The following PPEF1 variants were observed in gnomAD, a reference collection of about 807,000 sequenced individuals.
PPEF1 encodes the protein serine/threonine-protein phosphatase with EF-hands 1.
Under a neutral mutation model 53.3 loss-of-function variants are expected in PPEF1, and 12 were observed. That is an observed-to-expected ratio of 0.23 (90% CI 0.14 to 0.36). PPEF1 has a LOEUF of 0.36. Ranked by LOEUF, PPEF1 falls within the 10% of genes least tolerant of loss-of-function variation. PPEF1 has a pLI of 1.00. For synonymous variants in PPEF1, 165 were observed against 176.7 expected (o/e 0.93, Z 0.52); for missense variants, 334 against 490.4 (o/e 0.68, Z 3.01).
In PPEF1 at chrX:18,785,203, C is replaced by T. The variant is rs975290150; in HGVS notation, c.912+1155C>T. 3.6e-5 allele frequency among the ~76,000 whole-genome samples: 4 copies of T among 111,605 alleles called. No individual in the cohort carries two copies. In the Admixed American group the frequency reaches 3.8e-4, roughly 11 times the overall value. ...TTTAATTAAAGTTTAATAAGTCTGA[C>T]CTCCAGACCAGATGAGATCCCCTTT... On this transcript the variant is annotated intron_variant, in intron 9 of 15. Transcript: ENST00000470157.
At chrX:18,734,749 T>C (rs2044930732) in intron 3 of PPEF1, among the ~76,000 whole-genome samples, 2 of 111,585 alleles carry the variant, frequency 1.8e-5, no homozygotes, top group South Asian at 7.5e-4. Flanking sequence ...CCACCAACAG[T>C]GTAAAACTGT....
chrX:18,760,650 C>G (rs1446629628), intron 5 of PPEF1, among the ~76,000 whole-genome samples: 3 of 110,375 alleles, frequency 2.7e-5, no homozygotes, highest in Admixed American at 9.7e-5. Flanking sequence ...CTTTGTCACC[C>G]AGGCTGGAGT....
intron 10 of PPEF1, among the ~76,000 whole-genome samples, chrX:18,794,796 C>G (rs1399038079): frequency 8.9e-6 from 1 of 112,067 alleles, no homozygotes; most frequent in Non-Finnish European, 1.9e-5. Context: ...TAGCCCTCTA[C>G]TGGGAGCTGG....
chrX:18,728,845 G>A (rs5955635), intron 1 of PPEF1, among the ~76,000 whole-genome samples: 2,900 of 111,635 alleles, frequency 0.026, 38 homozygotes, highest in Non-Finnish European at 0.041. Context: ...AACTCACATC[G>A]TTCCTGTTAT....
Position 18,701,393 on chromosome X carries a change from C to T in PPEF1, c.-123+958C>T, listed in dbSNP as rs191494084. On this transcript the variant is annotated intron_variant, in intron 6 of 21. Transcript: ENST00000361511. ...AGTGGGTTCCCACCCATGCATGGCCCCTCCTAACTCATCAGCTAAAAACAG... is the reference window on the plus strand; with the variant it reads ...AGTGGGTTCCCACCCATGCATGGCCTCTCCTAACTCATCAGCTAAAAACAG... Among the ~76,000 whole-genome samples the T allele has an allele frequency of 2.7e-5, 3 of 112,221 alleles. No homozygotes were observed. The East Asian group carries it at 8.4e-4, about 32-fold the overall frequency.
rs1307662592 is a variant in PPEF1, at chrX:18,783,510, G to A, written c.763-389G>A. Reference sequence around the variant, plus strand: ...AGGTGGGCGGATCACCTGAGGTCAGGAGTTCGAGACCAGCCTGGCCAACAT... The same window carrying A: ...AGGTGGGCGGATCACCTGAGGTCAGAAGTTCGAGACCAGCCTGGCCAACAT... On this transcript the variant is annotated intron_variant, in intron 8 of 15. Transcript: ENST00000470157. Among the ~76,000 whole-genome samples, 6 of 110,724 alleles carry A rather than the reference G, an allele frequency of 5.4e-5. No homozygotes were observed. In the East Asian group the frequency reaches 1.7e-3, roughly 32 times the overall value.
chrX:18,690,567 G>A lies in PPEF1; in HGVS notation c.-425-415G>A, dbSNP rs185919677. 5.4e-5 allele frequency among the ~76,000 whole-genome samples: 6 copies of A among 111,105 alleles called. No homozygotes were observed. The East Asian group carries it at 1.7e-3, about 32-fold the overall frequency. ...AATTTTTGTTTTTAGTAGAGACAGG[G>A]TTTCACCATGTTGGCCAGGCTGGTC... On this transcript the variant is annotated intron_variant, in intron 3 of 21. Coordinates refer to the PPEF1 transcript ENST00000361511.
intron 2 of PPEF1, among the ~76,000 whole-genome samples, chrX:18,733,335 A>G (rs1476581958): frequency 2.7e-4 from 30 of 112,201 alleles, no homozygotes; most frequent in Non-Finnish European, 5.6e-5. Context: ...TTTCAGGGAA[A>G]GCCTGTAAGG....
intron 10 of PPEF1, among the ~76,000 whole-genome samples, chrX:18,794,113 G>A (rs1026302461): frequency 2.7e-5 from 3 of 112,952 alleles, no homozygotes; most frequent in African/African-American, 9.6e-5. Flanking sequence ...CCCACAGAGT[G>A]CTCTACAGTC....
Position 18,784,034 on chromosome X carries a change from G to A in PPEF1, c.898G>A (p.Val300Ile), listed in dbSNP as rs755115541. The A allele has an allele frequency of 4.2e-6, 5 of 1,198,805 alleles. No individual in the cohort carries two copies. Among genetic ancestry groups the A allele is most frequent in the Non-Finnish European group, 4.5e-6 (4 of 890,683 alleles). The change falls in exon 9 of 16, where the codon GTA (valine) becomes ATA (isoleucine). Residue 300 changes from valine to isoleucine, a missense_variant. Transcript: ENST00000470157. Reference sequence around the variant, plus strand: ...CACAGACTTGAATTTACTCCACCGTGTAGAGAGGAACAAGGTAAGAAGTAA... The same window carrying A: ...CACAGACTTGAATTTACTCCACCGTATAGAGAGGAACAAGGTAAGAAGTAA... ...ETTDLNLLHR[V>I]ERNKMKSVLI...
At position 18,774,849 on chromosome X, in the gene PPEF1, T is replaced by A. The variant is rs185256521; in HGVS notation, c.559-4161T>A. Among the ~76,000 whole-genome samples, 4 of 112,188 alleles carry A rather than the reference T, an allele frequency of 3.6e-5. No individual in the cohort carries two copies. The East Asian group carries it at 1.1e-3, about 31-fold the overall frequency. ...TCTTTTCCTTTTGTAACTTGTTCTT[T>A]CTCTCTGGCCTCGTCTAATCTTTTT... On this transcript the variant is annotated intron_variant, in intron 6 of 15. Coordinates refer to ENST00000470157, the MANE Select transcript of PPEF1 (RefSeq NM_001377996.1).
exon 6 of PPEF1, chrX:18,700,390 C>T (rs1930026107): frequency 9.4e-6 from 1 of 105,895 alleles, no homozygotes; most frequent in African/African-American, 3.5e-5. Flanking sequence ...CTTTGAAACA[C>T]CTGGGGTGAG....
chrX:18,782,991 T>C (rs2046117783), intron 8 of PPEF1, among the ~76,000 whole-genome samples: 1 of 108,071 alleles, frequency 9.3e-6, no homozygotes, highest in African/African-American at 3.4e-5. Flanking sequence ...CATGCTCCTG[T>C]AATCCCAGCT....
At chrX:18,718,569 A>G (rs1328819746) in intron 1 of PPEF1, among the ~76,000 whole-genome samples, 1 of 111,653 alleles carries the variant, frequency 9.0e-6, no homozygotes, top group Non-Finnish European at 1.9e-5. Flanking sequence ...CAGCCCGGGC[A>G]ACAGAGCAAG....
intron 1 of PPEF1, among the ~76,000 whole-genome samples, chrX:18,677,729 C>T (rs1277188814): frequency 9.0e-6 from 1 of 111,388 alleles, no homozygotes; most frequent in Non-Finnish European, 1.9e-5. Context: ...TCGTGCTCTT[C>T]CTCTGGATCA....
chrX:18,683,801 T>C (rs868124822), intron 1 of PPEF1, among the ~76,000 whole-genome samples: 30 of 111,949 alleles, frequency 2.7e-4, no homozygotes, highest in African/African-American at 8.4e-4. Flanking sequence ...GGCATCACTT[T>C]CTGTCGTGAT....
intron 12 of PPEF1, among the ~76,000 whole-genome samples, chrX:18,807,474 G>A (rs902154473): frequency 9.0e-6 from 1 of 111,619 alleles, no homozygotes; most frequent in Non-Finnish European, 1.9e-5. Context: ...AGTTTAGAAT[G>A]GCCCCTTCCA....
chrX:18,699,846 A>G (rs1381117142), intron 5 of PPEF1, among the ~76,000 whole-genome samples: 3 of 112,581 alleles, frequency 2.7e-5, no homozygotes, highest in African/African-American at 9.7e-5. Flanking sequence ...TCTTAATTGT[A>G]CCAGGTTAAT....
Position 18,783,952 on chromosome X carries a change from A to C in PPEF1, c.816A>C (p.Pro272=), listed in dbSNP as rs766157259. 8 of 1,206,094 alleles carry C rather than the reference A, an allele frequency of 6.6e-6. No homozygotes were observed. Among genetic ancestry groups the C allele is most frequent in the African/African-American group, 1.8e-5 (1 of 57,103 alleles). ...TGGAAGAATTCTATGCCTGGCTCCC[A>C]ATCGGTACAATCGTTGACAATGAAA... The part of the protein sequence containing the change: ...QILEEFYAWL[P]IGTIVDNEIL... Residue 272 remains proline (P), a synonymous_variant, in exon 9 of 16, where the codon CCA becomes CCC. Coordinates refer to ENST00000470157, the MANE Select transcript of PPEF1 (RefSeq NM_001377996.1).
Sources: gnomAD v4.1 joint callset for allele counts (sites outside exome capture counted in the v4.1 genomes callset) on GRCh38, gnomAD v4.1.1 for gene constraint, MANE v1.5 for transcripts, NCBI Gene and HGNC (gene_info 2026-07-23, HGNC 2026-07-21) for gene names.